Variants in WASF3 observed in about 807,000 individuals in gnomAD.
WASF3 encodes the protein actin-binding protein WASF3.
Under a neutral mutation model 46.6 loss-of-function variants are expected in WASF3, and 11 were observed. The observed-to-expected ratio is 0.24, with a 90% CI of 0.15 to 0.39. WASF3 has a LOEUF of 0.39. WASF3 is among the 10% of genes least tolerant of loss of function. The probability of loss-of-function intolerance (pLI) is 1.00; values close to 1 mark genes in which losing one functional copy is unlikely to be tolerated. For missense variants in WASF3, 576 were observed against 669.8 expected, an observed-to-expected ratio of 0.86 and a Z score of 1.55; for synonymous variants, 242 against 259.7, an observed-to-expected ratio of 0.93 and a Z score of 0.65.
chr13:26,572,491 G>T (rs900777536), intron 1 of WASF3, among the ~76,000 whole-genome samples: 1 of 152,096 alleles, frequency 6.6e-6, no homozygotes, highest in Non-Finnish European at 1.5e-5. Flanking sequence ...GCAATTATAT[G>T]ACTTTCTTGT....
chr13:26,681,819 A>G (rs981800014), intron 8 of WASF3, among the ~76,000 whole-genome samples: 2 of 152,008 alleles, frequency 1.3e-5, no homozygotes, highest in Admixed American at 6.6e-5. Flanking sequence ...AGTAGAATTC[A>G]GAGACTTCAT....
intron 2 of WASF3, among the ~76,000 whole-genome samples, chr13:26,618,024 A>G (rs1019651133): frequency 2.0e-5 from 3 of 152,076 alleles, no homozygotes; most frequent in East Asian, 3.9e-4. Flanking sequence ...CTGTGATTCA[A>G]TTAAACCTCT....
intron 2 of WASF3, among the ~76,000 whole-genome samples, chr13:26,628,336 G>A (rs1267382514): frequency 1.3e-5 from 2 of 152,190 alleles, no homozygotes; most frequent in African/African-American, 2.4e-5. Flanking sequence ...ACAAGGTGCA[G>A]AGAACAACCC....
intron 3 of WASF3, among the ~76,000 whole-genome samples, chr13:26,644,686 T>C (rs978652085): frequency 5.3e-5 from 8 of 152,180 alleles, no homozygotes. Flanking sequence ...AATTTGCTAG[T>C]CTCTTATGAG....
At chr13:26,545,846 C>T in the WASF3 span, among the ~76,000 whole-genome samples, 1 of 152,208 alleles carries the variant, frequency 6.6e-6, no homozygotes, top group Non-Finnish European at 1.5e-5. Context: ...CCAAGATATC[C>T]TCCTGCCTTG....
At chr13:26,622,938 G>A (rs1881351860) in intron 2 of WASF3, among the ~76,000 whole-genome samples, 1 of 152,008 alleles carries the variant, frequency 6.6e-6, no homozygotes, top group South Asian at 2.1e-4. Flanking sequence ...TCTATTTTAA[G>A]AAACAAAAAA....
At chr13:26,566,933 C>T (rs896782791) in intron 1 of WASF3, among the ~76,000 whole-genome samples, 2 of 152,222 alleles carry the variant, frequency 1.3e-5, no homozygotes, top group Non-Finnish European at 2.9e-5. Flanking sequence ...CTGTCATTTT[C>T]ACCATGCATA....
intron 3 of WASF3, among the ~76,000 whole-genome samples, chr13:26,649,069 T>C (rs185010735): frequency 6.6e-6 from 1 of 152,344 alleles, no homozygotes; most frequent in East Asian, 1.9e-4. Flanking sequence ...CAGTTCTGGC[T>C]ATCACTAAAT....
intron 1 of WASF3, among the ~76,000 whole-genome samples, chr13:26,602,352 G>T (rs916813917): frequency 4.6e-5 from 7 of 152,136 alleles, no homozygotes; most frequent in African/African-American, 1.4e-4. Flanking sequence ...AGTTACTTAG[G>T]TGACTGAACT....
At chr13:26,664,887 C>T in intron 3 of WASF3, 141 bp from the exon 4 acceptor site, 1 of 768,382 alleles carries the variant, frequency 1.3e-6, no homozygotes, top group South Asian at 1.8e-5. Context: ...GTTCTAAAGG[C>T]CTTGGACTGT....
rs75016956 is a variant in WASF3 at position 26,639,453 on chromosome 13, C to T, written c.-10-2808C>T. The stretch of plus-strand genomic sequence containing the variant: ...CATTTTTTGAATAATCAGGTTGTGT[C>T]GAGGGCTGTTCAGGGCATTGTGGGG... On this transcript the variant is annotated intron_variant, in intron 2 of 9. Transcript: ENST00000335327. Among the ~76,000 whole-genome samples the T allele has an allele frequency of 3.3e-5, 5 of 152,236 alleles. No individual in the cohort carries two copies. In the East Asian group the frequency reaches 7.7e-4, roughly 24 times the overall value.
At chr13:26,664,778 A>G (rs1201829175) in intron 3 of WASF3, among the ~76,000 whole-genome samples, 1 of 152,274 alleles carries the variant, frequency 6.6e-6, no homozygotes, top group Non-Finnish European at 1.5e-5. Context: ...GCGATAGCTC[A>G]TGTAGCAATA....
At chr13:26,556,433 G>C (rs1000486955), upstream of WASF3, among the ~76,000 whole-genome samples, 2 of 152,176 alleles carry the variant, frequency 1.3e-5, no homozygotes, top group Admixed American at 6.5e-5. Flanking sequence ...TGTCACTCTA[G>C]TATCAATATT....
chr13:26,596,365 TTCTC>T (rs1242139789), intron 1 of WASF3, among the ~76,000 whole-genome samples: 1 of 151,822 alleles, frequency 6.6e-6, no homozygotes, highest in Non-Finnish European at 1.5e-5. Flanking sequence ...GTTTTGAGAG[TTCTC>T]TCTCTAGTTT....
intron 1 of WASF3, among the ~76,000 whole-genome samples, chr13:26,574,486 TTTA>T (rs567776109): frequency 8.5e-4 from 129 of 152,294 alleles, no homozygotes; most frequent in African/African-American, 3.0e-3. Flanking sequence ...TCTGATTATT[TTTA>T]TTCACCTGGT....
chr13:26,543,744 G>A, the WASF3 span, among the ~76,000 whole-genome samples: 26 of 152,246 alleles, frequency 1.7e-4, no homozygotes, highest in South Asian at 3.7e-3. Flanking sequence ...TCAAAATCCC[G>A]GAATTTCAGA....
rs1327573418 is a variant in WASF3, at chr13:26,682,791, C to A, written c.1168C>A (p.Leu390Ile). 1.2e-6 allele frequency: 2 copies of A among 1,611,450 alleles called. No homozygotes were observed. Among genetic ancestry groups the A allele is most frequent in the Non-Finnish European group, 1.7e-6 (2 of 1,179,956 alleles). ...AAPPHPPSTG[L>I]LVTAPPPPGP... ...TCCTCCTCACCCACCCTCCACCGGG[C>A]TCCTGGTCACAGCCCCGCCACCCCC... The change falls in exon 9 of 10, where the codon CTC becomes ATC. Residue 390 changes from leucine to isoleucine, a missense_variant. This residue lies in a region of WASF3 where 295 missense variants were observed against 291.5 expected (regional missense o/e 1.01). Transcript: ENST00000335327. This position sits in a 1 kb window ranked among gnomAD's most constrained non-coding sequence, Gnocchi z 4.4.
upstream of WASF3, among the ~76,000 whole-genome samples, chr13:26,557,473 G>A (rs927505653): frequency 6.6e-6 from 1 of 151,772 alleles, no homozygotes. Context: ...CGAGCTGGGG[G>A]CGGAGGACCA....
chr13:26,562,923 T>C (rs1014753354), intron 1 of WASF3, among the ~76,000 whole-genome samples: 3 of 146,504 alleles, frequency 2.0e-5, no homozygotes, highest in Admixed American at 1.4e-4. Context: ...TTTTCTTTTC[T>C]TTTCTTTCTA....
Sources: allele counts gnomAD v4.1 joint callset (sites outside exome capture counted in the v4.1 genomes callset), GRCh38; gene constraint gnomAD v4.1.1; regional missense constraint gnomAD v4.1.1; non-coding constraint Gnocchi (gnomAD v3.1); transcripts MANE v1.5; gene names NCBI Gene and HGNC (gene_info 2026-07-23, HGNC 2026-07-21).